Variants in GALNTL6 observed in about 807,000 individuals in gnomAD.
GALNTL6 encodes polypeptide N-acetylgalactosaminyltransferase-like 6.
Under a neutral mutation model 73.7 loss-of-function variants are expected in GALNTL6, and 46 were observed. The observed-to-expected ratio is 0.62, with a 90% confidence interval of 0.49 to 0.80. The LOEUF is 0.80. Ranked by LOEUF, GALNTL6 falls within the 30% of genes least tolerant of loss-of-function variation. GALNTL6 has a pLI of 0.00. For missense variants in GALNTL6, 604 were observed against 755.0 expected, an observed-to-expected ratio of 0.80 and a Z score of 2.34; for synonymous variants, 259 against 263.7, an observed-to-expected ratio of 0.98 and a Z score of 0.17.
chr4:172,893,180 C>T (rs1387419397), intron 8 of GALNTL6, among the ~76,000 whole-genome samples: 1 of 152,180 alleles, frequency 6.6e-6, no homozygotes, highest in Non-Finnish European at 1.5e-5. Flanking sequence ...GCCAAGATTG[C>T]TGGGCAGTTC....
intron 5 of GALNTL6, among the ~76,000 whole-genome samples, chr4:172,781,366 T>C (rs1439520138): frequency 6.6e-6 from 1 of 152,202 alleles, no homozygotes; most frequent in Non-Finnish European, 1.5e-5. Context: ...ATTCATACTA[T>C]TAAAATTTAA....
intron 5 of GALNTL6, among the ~76,000 whole-genome samples, chr4:172,654,184 A>G (rs1008309270): frequency 6.6e-6 from 1 of 152,354 alleles, no homozygotes; most frequent in South Asian, 2.1e-4. Flanking sequence ...GGTAAAAGTG[A>G]AAATATGATT....
intron 10 of GALNTL6, among the ~76,000 whole-genome samples, chr4:173,000,069 T>C (rs1751977875): frequency 6.6e-6 from 1 of 152,204 alleles, no homozygotes; most frequent in Non-Finnish European, 1.5e-5. Flanking sequence ...CTACTGCTAC[T>C]ACTACTATGA....
chr4:171,929,007 T>G (rs1382177030), intron 2 of GALNTL6, among the ~76,000 whole-genome samples: 1 of 152,188 alleles, frequency 6.6e-6, no homozygotes, highest in Non-Finnish European at 1.5e-5. Flanking sequence ...CATTTCATAA[T>G]CACATATTTT....
At chr4:172,852,126 C>A (rs1743856725) in intron 7 of GALNTL6, among the ~76,000 whole-genome samples, 1 of 152,104 alleles carries the variant, frequency 6.6e-6, no homozygotes, top group Non-Finnish European at 1.5e-5. Context: ...CTTAAAGCTA[C>A]ATTTACAGAG....
intron 2 of GALNTL6, among the ~76,000 whole-genome samples, chr4:171,913,659 T>C (rs774226018): frequency 6.6e-6 from 1 of 152,204 alleles, no homozygotes; most frequent in Non-Finnish European, 1.5e-5. Context: ...AATGTCAAAT[T>C]ATATCAAAGG....
At chr4:172,241,774 T>C (rs1737441780) in intron 3 of GALNTL6, among the ~76,000 whole-genome samples, 1 of 152,222 alleles carries the variant, frequency 6.6e-6, no homozygotes, top group African/African-American at 2.4e-5. Context: ...ATTTAAACAT[T>C]ATTGTTTTTC....
intron 5 of GALNTL6, among the ~76,000 whole-genome samples, chr4:172,706,400 G>T (rs2111308760): frequency 6.6e-6 from 1 of 152,108 alleles, no homozygotes; most frequent in Non-Finnish European, 1.5e-5. Context: ...TACACTGCTG[G>T]TTTGAGTTAT....
At chr4:172,291,503 T>G (rs528488037) in intron 3 of GALNTL6, among the ~76,000 whole-genome samples, 45 of 152,290 alleles carry the variant, frequency 3.0e-4, no homozygotes, top group Non-Finnish European at 1.2e-4. Flanking sequence ...AAATCATATC[T>G]GAATGCACCA....
At chr4:172,319,280 C>T (rs955002020) in intron 4 of GALNTL6, among the ~76,000 whole-genome samples, 1 of 152,094 alleles carries the variant, frequency 6.6e-6, no homozygotes, top group African/African-American at 2.4e-5. Context: ...AATGTGATTG[C>T]GGCCAAAGGA....
intron 5 of GALNTL6, among the ~76,000 whole-genome samples, chr4:172,500,002 A>T (rs573809219): frequency 3.3e-5 from 5 of 152,346 alleles, no homozygotes; most frequent in East Asian, 3.9e-4. Flanking sequence ...ACCAAAAAAA[A>T]TTTGGAGTAA....
intron 2 of GALNTL6, among the ~76,000 whole-genome samples, chr4:172,001,078 G>A (rs184469971): frequency 6.6e-6 from 1 of 152,274 alleles, no homozygotes; most frequent in Non-Finnish European, 1.5e-5. Context: ...AATAGTAGTT[G>A]TAATAGTACG....
intron 3 of GALNTL6, among the ~76,000 whole-genome samples, chr4:172,252,884 T>C (rs1381792180): frequency 6.6e-6 from 1 of 151,428 alleles, no homozygotes; most frequent in Non-Finnish European, 1.5e-5. Context: ...CAATGAAAGA[T>C]TAAGGAAAAA....
At chr4:172,566,398 T>C (rs538198673) in intron 5 of GALNTL6, among the ~76,000 whole-genome samples, 5 of 151,890 alleles carry the variant, frequency 3.3e-5, no homozygotes, top group South Asian at 2.1e-4. Flanking sequence ...CTCCAGAAAA[T>C]TGACAAATAA....
chr4:172,631,883 T>A (rs2111097368), intron 5 of GALNTL6, among the ~76,000 whole-genome samples: 1 of 152,364 alleles, frequency 6.6e-6, no homozygotes. Flanking sequence ...CCATAATTCA[T>A]AATGGAATTA....
intron 7 of GALNTL6, among the ~76,000 whole-genome samples, chr4:172,872,517 A>G (rs1466843402): frequency 6.6e-6 from 1 of 152,226 alleles, no homozygotes; most frequent in African/African-American, 2.4e-5. Context: ...AATGCATTAC[A>G]ATGTAGTGAG....
At chr4:172,339,269 A>G (rs1248390925) in intron 4 of GALNTL6, among the ~76,000 whole-genome samples, 2 of 96,604 alleles carry the variant, frequency 2.1e-5, no homozygotes, top group Non-Finnish European at 4.1e-5. Context: ...ACACACACAC[A>G]CACACACACA....
chr4:172,709,106 TGC>T (rs1734538626), intron 5 of GALNTL6, among the ~76,000 whole-genome samples: 1 of 152,212 alleles, frequency 6.6e-6, no homozygotes, highest in Non-Finnish European at 1.5e-5. Context: ...CATGCATGCT[TGC>T]GCACCCTACT....
chr4:171,827,555 T>C (rs1358374371), intron 2 of GALNTL6, among the ~76,000 whole-genome samples: 1 of 152,184 alleles, frequency 6.6e-6, no homozygotes, highest in East Asian at 1.9e-4. Flanking sequence ...CAGACTATTT[T>C]CTCTAATCCA....
Sources: allele counts gnomAD v4.1 joint callset (sites outside exome capture counted in the v4.1 genomes callset), GRCh38; gene constraint gnomAD v4.1.1; transcripts MANE v1.5; gene names NCBI Gene and HGNC (gene_info 2026-07-23, HGNC 2026-07-21).